Variants in ABCD2 observed in about 807,000 individuals in gnomAD.
ABCD2 encodes the protein ATP-binding cassette sub-family D member 2.
ABCD2 carries 36 observed loss-of-function variants against 70.9 expected under a neutral mutation model. The ratio of observed to expected loss-of-function variants is 0.51; its 90% CI spans 0.39 to 0.67. The LOEUF (loss-of-function observed/expected upper bound fraction) is 0.67. Ranked by LOEUF, ABCD2 falls within the 30% of genes least tolerant of loss-of-function variation. ABCD2 has a pLI of 0.00. For synonymous variants in ABCD2, 304 were observed against 306.9 expected, an observed-to-expected ratio of 0.99 and a Z score of 0.10; for missense variants, 729 against 890.2, an observed-to-expected ratio of 0.82 and a Z score of 2.30.
At chr12:39,538,247 G>C in the ABCD2 span, among the ~76,000 whole-genome samples, 1 of 147,338 alleles carries the variant, frequency 6.8e-6, no homozygotes, top group Non-Finnish European at 1.5e-5. Flanking sequence ...TCGTCTCACT[G>C]CAACCTCCAC....
chr12:39,537,964 G>T, the ABCD2 span, among the ~76,000 whole-genome samples: 1 of 152,132 alleles, frequency 6.6e-6, no homozygotes, highest in East Asian at 1.9e-4. Context: ...TGGAGGCAGG[G>T]AACCTAAGGA....
downstream of ABCD2, among the ~76,000 whole-genome samples, chr12:39,545,714 C>T (rs539334035): frequency 3.3e-5 from 5 of 152,180 alleles, no homozygotes; most frequent in East Asian, 9.7e-4. Flanking sequence ...GTTCTGTTGG[C>T]ATTGAGTTTT....
intron 2 of ABCD2, among the ~76,000 whole-genome samples, chr12:39,614,127 G>C (rs1031799844): frequency 6.6e-6 from 1 of 152,092 alleles, no homozygotes; most frequent in East Asian, 1.9e-4. Context: ...CTCTCATTTT[G>C]GAAATGTGGA....
In ABCD2 at chr12:39,619,252, T is replaced by C. The variant is rs746240904; in HGVS notation, c.364A>G (p.Ile122Val). 5 of 1,614,100 alleles carry C rather than the reference T, an allele frequency of 3.1e-6. No individual in the cohort carries two copies. Among genetic ancestry groups the C allele is most frequent in the Non-Finnish European group, 4.2e-6 (5 of 1,180,018 alleles). Residue 122 changes from isoleucine (I) to valine (V), a missense_variant, in exon 1 of 10, where the codon ATC (isoleucine) becomes GTC (valine). This residue lies in a region of ABCD2 where 245 missense variants were observed against 261.2 expected (regional missense o/e 0.94). Coordinates refer to ENST00000308666, the MANE Select transcript of ABCD2 (RefSeq NM_005164.4). Reference protein sequence around the residue: ...VALISRTFLSIYVAGLDGKIV... With the variant: ...VALISRTFLSVYVAGLDGKIV... ...TTTCCATCCAGACCAGCCACATAGA[T>C]AGAAAGAAAGGTTCTTGAGATTAGA...
chr12:39,532,391 A>T, the ABCD2 span, among the ~76,000 whole-genome samples: 1 of 152,224 alleles, frequency 6.6e-6, no homozygotes, highest in Non-Finnish European at 1.5e-5. Flanking sequence ...ATAATCACAC[A>T]AATACAAAGT....
At chr12:39,618,606 A>G (rs1450204787) in intron 1 of ABCD2, 71 bp downstream of exon 1, 1 of 1,395,816 alleles carries the variant, frequency 7.2e-7, no homozygotes, top group African/African-American at 1.4e-5. Context: ...AGGACAACAG[A>G]TGGTATCTGG....
chr12:39,602,027 AATATTAAT>A (rs1285396496), intron 5 of ABCD2, among the ~76,000 whole-genome samples: 1 of 151,838 alleles, frequency 6.6e-6, no homozygotes, highest in Non-Finnish European at 1.5e-5. Context: ...TTTCTACATT[AATATTAAT>A]ATTTTTCTCA....
At chr12:39,605,529 A>T (rs1462272618) in intron 3 of ABCD2, among the ~76,000 whole-genome samples, 4 of 151,954 alleles carry the variant, frequency 2.6e-5, no homozygotes, top group African/African-American at 9.7e-5. Flanking sequence ...AAAACATTAA[A>T]TATATTTTTT....
chr12:39,548,287 A>T (rs952645811), downstream of ABCD2, among the ~76,000 whole-genome samples: 6 of 152,096 alleles, frequency 3.9e-5, no homozygotes, highest in African/African-American at 1.4e-4. Flanking sequence ...TTGGCAGGTT[A>T]GGTATATTAA....
chr12:39,606,588 G>A (rs1941972228), intron 3 of ABCD2, among the ~76,000 whole-genome samples: 2 of 152,096 alleles, frequency 1.3e-5, no homozygotes, highest in South Asian at 4.2e-4. Context: ...CAAAGACTGT[G>A]TCTCCAGATT....
At chr12:39,605,511 C>T (rs1413018952) in intron 3 of ABCD2, among the ~76,000 whole-genome samples, 1 of 151,938 alleles carries the variant, frequency 6.6e-6, no homozygotes, top group Non-Finnish European at 1.5e-5. Flanking sequence ...GATTTATATG[C>T]CCAAAGAAAA....
At chr12:39,573,879 A>C (rs1591977094) in intron 8 of ABCD2, 38 bp from the exon 9 acceptor site, 1 of 1,584,330 alleles carries the variant, frequency 6.3e-7, no homozygotes, top group South Asian at 1.2e-5. Flanking sequence ...TTATTTTGCT[A>C]TATGAACTAT....
chr12:39,583,156 G>A (rs1941620190), intron 7 of ABCD2, among the ~76,000 whole-genome samples: 1 of 152,060 alleles, frequency 6.6e-6, no homozygotes. Context: ...TGCCGGACGG[G>A]GCCAGCTACT....
chr12:39,558,900 T>A (rs1424074133), intron 9 of ABCD2, among the ~76,000 whole-genome samples: 2 of 151,910 alleles, frequency 1.3e-5, no homozygotes, highest in African/African-American at 4.8e-5. Flanking sequence ...CCAGAAATGC[T>A]GGAGCTGAAA....
intron 9 of ABCD2, among the ~76,000 whole-genome samples, chr12:39,559,514 A>C: frequency 6.6e-6 from 1 of 152,090 alleles, no homozygotes; most frequent in East Asian, 1.9e-4. Flanking sequence ...ACATATAACT[A>C]TCTAGGTACA....
At position 39,552,418 on chromosome 12, in the gene ABCD2, A is replaced by G. The variant is rs958958246; in HGVS notation, c.*1494T>C. The stretch of plus-strand genomic sequence containing the variant: ...ATTCCAATATTCTTCTGGTATGTCA[A>G]TGTGGTATCACAGGCAGCAAGAGAT... On this transcript the variant is annotated 3_prime_UTR_variant, in exon 10 of 10. Coordinates refer to ENST00000308666, the MANE Select transcript of ABCD2 (RefSeq NM_005164.4). 3.3e-5 allele frequency: 5 copies of G among 151,970 alleles called. No individual in the cohort carries two copies. The highest frequency in any genetic ancestry group is 1.2e-4 in the African/African-American group (5 of 41,450). 9.4% of individuals were successfully genotyped at this position (151,970 alleles called of 1,614,324 possible). A position where few individuals can be genotyped will look rare whatever the true frequency, so the allele number is the denominator to read the frequency against.
intron 6 of ABCD2, among the ~76,000 whole-genome samples, chr12:39,599,527 A>G (rs1941867199): frequency 6.6e-6 from 1 of 152,148 alleles, no homozygotes; most frequent in Non-Finnish European, 1.5e-5. Context: ...ACAAATATCT[A>G]TGTCATTGCT....
chr12:39,556,358 G>A (rs2120526846), intron 9 of ABCD2, among the ~76,000 whole-genome samples: 1 of 152,322 alleles, frequency 6.6e-6, no homozygotes, highest in Admixed American at 6.5e-5. Context: ...TGTCAAGGAA[G>A]AGACAAGGCG....
intron 4 of ABCD2, among the ~76,000 whole-genome samples, chr12:39,604,549 G>A (rs1381597633): frequency 1.3e-5 from 2 of 151,954 alleles, no homozygotes; most frequent in African/African-American, 4.8e-5. Flanking sequence ...GGAAAATTGT[G>A]TCCTAAATAA....
Sources: allele counts gnomAD v4.1 joint callset (sites outside exome capture counted in the v4.1 genomes callset), GRCh38; gene constraint gnomAD v4.1.1; regional missense constraint gnomAD v4.1.1; transcripts MANE v1.5; gene names NCBI Gene and HGNC (gene_info 2026-07-23, HGNC 2026-07-21).